The following IL27RA variants were observed in gnomAD, a reference collection of about 807,000 sequenced individuals.
The protein encoded by IL27RA is interleukin-27 receptor subunit alpha.
Under a neutral mutation model 80.8 loss-of-function variants are expected in IL27RA, and 61 were observed. The ratio of observed to expected loss-of-function variants is 0.76; its 90% CI spans 0.61 to 0.93. IL27RA has a LOEUF of 0.93. Among genes scored for constraint, IL27RA ranks in the 40% least tolerant of loss-of-function variants. IL27RA has a pLI of 0.00. For synonymous variants in IL27RA, 316 were observed against 332.5 expected (o/e 0.95, Z 0.54); for missense variants, 735 against 808.1 (o/e 0.91, Z 1.10).
At chr19:14,046,708 G>C in intron 8 of IL27RA, 90 bp downstream of exon 8, 1 of 1,285,360 alleles carries the variant, frequency 7.8e-7, no homozygotes, top group Non-Finnish European at 1.1e-6. Context: ...GATTAAAGTA[G>C]CGTGATGGCC....
At chr19:14,039,696 C>A (rs190443624) in intron 3 of IL27RA, 31 bp downstream of exon 3, 19 of 1,316,370 alleles carry the variant, frequency 1.4e-5, no homozygotes, top group Non-Finnish European at 1.9e-5. Context: ...GCGCTCTATG[C>A]GGGGTGGGTG....
chr19:14,036,862 G>T (rs1464994254), intron 2 of IL27RA, among the ~76,000 whole-genome samples: 2 of 143,038 alleles, frequency 1.4e-5, no homozygotes, highest in African/African-American at 2.6e-5. Flanking sequence ...TTGAGACAAA[G>T]TCTCGCTCTG....
chr19:14,033,391 G>GA (rs1975851518), intron 2 of IL27RA, among the ~76,000 whole-genome samples: 1 of 151,576 alleles, frequency 6.6e-6, no homozygotes, highest in African/African-American at 2.4e-5. Context: ...GAGCCACCGT[G>GA]CCTGGCCGAG....
At chr19:14,048,001 A>C (rs1976095795) in intron 8 of IL27RA, among the ~76,000 whole-genome samples, 1 of 143,264 alleles carries the variant, frequency 7.0e-6, no homozygotes, top group African/African-American at 2.6e-5. Flanking sequence ...TCTGTCAGCC[A>C]GGCTGGAGTG....
intron 8 of IL27RA, 121 bp downstream of exon 8, chr19:14,046,739 G>A: frequency 1.1e-6 from 1 of 951,840 alleles, no homozygotes; most frequent in South Asian, 1.7e-5. Flanking sequence ...GCTCATGCCT[G>A]TAATCTCAGC....
At chr19:14,033,972 T>TAAAAATA (rs1288716412) in intron 2 of IL27RA, among the ~76,000 whole-genome samples, 1 of 151,770 alleles carries the variant, frequency 6.6e-6, no homozygotes, top group Non-Finnish European at 1.5e-5. Context: ...TCAAAAACAC[T>TAAAAATA]AAAAATAAAA....
rs893850457 is a variant in IL27RA, at chr19:14,052,541, C to G, written c.*251C>G. Reference sequence around the variant, plus strand: ...AAATACATGAAATTGAGAGTGGCAGCTGCCTGCCAAAATCTGTTCCGCTGT... The same window carrying G: ...AAATACATGAAATTGAGAGTGGCAGGTGCCTGCCAAAATCTGTTCCGCTGT... On this transcript the variant is annotated 3_prime_UTR_variant, in exon 14 of 14. Transcript: ENST00000263379. The G allele has an allele frequency of 2.4e-6, 1 of 410,296 alleles. No individual in the cohort carries two copies. Among genetic ancestry groups the G allele is most frequent in the Admixed American group, 4.0e-5 (1 of 24,816 alleles). The allele number at this position is 410,296 out of a possible 1,614,324, so 25.4% of individuals were successfully genotyped here. A position where few individuals can be genotyped will look rare whatever the true frequency, so the allele number is the denominator to read the frequency against.
intron 2 of IL27RA, 41 bp downstream of exon 2, chr19:14,032,544 G>A: frequency 7.2e-7 from 1 of 1,394,942 alleles, no homozygotes; most frequent in Non-Finnish European, 1.0e-6. Context: ...GGCTTTGGAG[G>A]TGGCCGCTCA....
At chr19:14,049,462 G>T in intron 10 of IL27RA, 148 bp downstream of exon 10, 1 of 669,438 alleles carries the variant, frequency 1.5e-6, no homozygotes, top group Non-Finnish European at 2.3e-6. Flanking sequence ...AATGTAACGA[G>T]CTTTCATTCG....
At chr19:14,050,987 C>T (rs1291494624) in intron 11 of IL27RA, 104 bp downstream of exon 11, 2 of 1,229,492 alleles carry the variant, frequency 1.6e-6, no homozygotes, top group Non-Finnish European at 2.2e-6. Context: ...AGTGGCTCAC[C>T]CCTGTAATCC....
chr19:14,039,972 T>TA, intron 4 of IL27RA, 62 bp downstream of exon 4: 2 of 1,527,326 alleles, frequency 1.3e-6, no homozygotes, highest in Non-Finnish European at 1.8e-6. Flanking sequence ...CAACATCTCC[T>TA]AATCTGAGAC....
rs753561640 is a variant in IL27RA at position 14,046,428 on chromosome 19, A to T, written c.953-2A>T. The T allele has an allele frequency of 8.7e-6, 14 of 1,614,020 alleles. No homozygotes were observed. The highest frequency in any genetic ancestry group is 1.2e-5 in the Non-Finnish European group (14 of 1,180,022). Reference sequence around the variant, plus strand: ...CAGCTGAGACTTCTCTCCACCCTCCAGATTCAGCCTCTGCCCCCCGTAGCG... The same window carrying T: ...CAGCTGAGACTTCTCTCCACCCTCCTGATTCAGCCTCTGCCCCCCGTAGCG... On this transcript the variant is annotated splice_acceptor_variant, in intron 7 of 13. Coordinates refer to ENST00000263379, the MANE Select transcript of IL27RA (RefSeq NM_004843.4). LOFTEE classifies it high-confidence loss of function.
chr19:14,045,470 A>G (rs10426386), intron 6 of IL27RA, among the ~76,000 whole-genome samples: 44,882 of 150,830 alleles, frequency 0.3, 8,067 homozygotes, highest in African/African-American at 0.5. Context: ...ACGTGGTGGC[A>G]GGCGCCTGTA....
intron 2 of IL27RA, among the ~76,000 whole-genome samples, chr19:14,035,043 G>A (rs1043371363): frequency 1.3e-5 from 2 of 152,030 alleles, no homozygotes; most frequent in African/African-American, 4.8e-5. Flanking sequence ...TGCCCAGGCT[G>A]GAGTGCAGTG....
chr19:14,035,097 C>A (rs2145685644), intron 2 of IL27RA, among the ~76,000 whole-genome samples: 1 of 151,776 alleles, frequency 6.6e-6, no homozygotes, highest in Admixed American at 6.6e-5. Context: ...TCAGGTGATC[C>A]TCCCACCTCA....
chr19:14,046,547 G>A lies in IL27RA; in HGVS notation c.1070G>A (p.Arg357Gln), dbSNP rs142403424. ...CTGGAGCATGTAGTGGACTGGGCTCGAGATGGGGACCCCCTGGAGAAACTC... is the reference window on the plus strand; with the variant it reads ...CTGGAGCATGTAGTGGACTGGGCTCAAGATGGGGACCCCCTGGAGAAACTC... ...EPLEHVVDWA[R>Q]DGDPLEKLNW... is the part of the protein sequence containing the mutation. The change falls in exon 8 of 14, where the codon CGA becomes CAA. Residue 357 changes from arginine (R) to glutamine (Q), a missense_variant. By Grantham distance (43) the Arg-to-Gln change is conservative (BLOSUM62 1). Transcript: ENST00000263379. 3.4e-4 allele frequency: 553 copies of A among 1,614,062 alleles called. 2 individuals are homozygous for A. In the East Asian group the frequency reaches 0.011, roughly 33 times the overall value.
rs545550150 is a variant in IL27RA at position 14,036,017 on chromosome 19, G to T, written c.219-3491G>T. The stretch of plus-strand genomic sequence containing the variant: ...GCACTTTGGGAGGCCGAGGCAGAAG[G>T]ATGGCTTGAGCCCAGGGGTTGGAGA... On this transcript the variant is annotated intron_variant, in intron 2 of 13. Transcript: ENST00000263379. Among the ~76,000 whole-genome samples, 180 of 150,838 alleles carry T rather than the reference G, an allele frequency of 1.2e-3. 2 individuals are homozygous for T. Among genetic ancestry groups the T allele is most frequent in the African/African-American group, 4.2e-3 (172 of 41,128 alleles).
chr19:14,040,218 C>T (rs1392403033), intron 4 of IL27RA, among the ~76,000 whole-genome samples: 1 of 148,560 alleles, frequency 6.7e-6, no homozygotes, highest in Non-Finnish European at 1.5e-5. Context: ...ACAAAAATTA[C>T]CTAGGCATGG....
At chr19:14,045,692 C>T (rs1381020908) in intron 6 of IL27RA, among the ~76,000 whole-genome samples, 2 of 151,510 alleles carry the variant, frequency 1.3e-5, no homozygotes, top group African/African-American at 4.9e-5. Context: ...TATTATTTAT[C>T]TCACTTATTG....
Sources: allele counts gnomAD v4.1 joint callset (sites outside exome capture counted in the v4.1 genomes callset), GRCh38; gene constraint gnomAD v4.1.1; transcripts MANE v1.5; gene names NCBI Gene and HGNC (gene_info 2026-07-23, HGNC 2026-07-21).